Variants in HOOK2 observed in about 807,000 individuals in gnomAD.
HOOK2 encodes hook microtubule tethering protein 2, also known as protein Hook homolog 2.
Under a neutral mutation model 111.9 loss-of-function variants are expected in HOOK2, and 108 were observed. That is an observed-to-expected ratio of 0.96 (90% confidence interval 0.83 to 1.13). HOOK2 has a LOEUF of 1.13. Among genes scored for constraint, HOOK2 ranks in the 50% most tolerant of loss-of-function variants. The pLI is 0.00. For missense variants in HOOK2, 978 were observed against 951.3 expected (o/e 1.03, Z -0.37); for synonymous variants, 405 against 394.3 (o/e 1.03, Z -0.32).
chr19:12,766,261 A>G (rs1303152948), intron 14 of HOOK2, 21 bp from the exon 15 acceptor site: 2 of 1,539,516 alleles, frequency 1.3e-6, no homozygotes, highest in East Asian at 2.3e-5. Context: ...GGGAGGAGAG[A>G]GCAGGGCCAG....
At chr19:12,769,149 T>C (rs1393113931) in intron 11 of HOOK2, among the ~76,000 whole-genome samples, 2 of 151,778 alleles carry the variant, frequency 1.3e-5, no homozygotes, top group Non-Finnish European at 2.9e-5. Context: ...GTATTTTTAG[T>C]AGAGATGGGG....
At chr19:12,774,965 A>G in intron 1 of HOOK2, 68 bp from the exon 2 acceptor site, 2 of 1,435,490 alleles carry the variant, frequency 1.4e-6, no homozygotes, top group Non-Finnish European at 1.9e-6. Context: ...CCCCTTTTGC[A>G]GACTTTTCCA....
At chr19:12,769,045 A>G (rs1355682272) in intron 11 of HOOK2, among the ~76,000 whole-genome samples, 2 of 146,478 alleles carry the variant, frequency 1.4e-5, no homozygotes, top group African/African-American at 5.1e-5. Flanking sequence ...GGCTCACTGC[A>G]AGCTCCGCCT....
chr19:12,778,633 G>T (rs1359316901), upstream of HOOK2, among the ~76,000 whole-genome samples: 1 of 152,198 alleles, frequency 6.6e-6, no homozygotes, highest in Non-Finnish European at 1.5e-5. Context: ...TACAAGCATG[G>T]GTGGCTGGAC....
At chr19:12,763,832 A>G (rs1240840336) in intron 20 of HOOK2, 54 bp from the exon 21 acceptor site, 1 of 1,208,768 alleles carries the variant, frequency 8.3e-7, no homozygotes, top group Non-Finnish European at 1.2e-6. Flanking sequence ...ACCCCCTGGG[A>G]CATACTGGGG....
In HOOK2 at chr19:12,774,723, G is replaced by A. The variant is rs764527642; in HGVS notation, c.150C>T (p.Asn50=). 3.7e-6 allele frequency: 6 copies of A among 1,613,980 alleles called. No homozygotes were observed. Among genetic ancestry groups the A allele is most frequent in the Middle Eastern group, 1.6e-4 (1 of 6,084 alleles). ...CCGAGATGCCCTGGAGCCATGCCTC[G>A]TTGAACCAGGAGGGGTCTCTGGGGG... ...VLNQIDPSWF[N]EAWLQGISED... The change falls in exon 3 of 23, where the codon AAC becomes AAT. Residue 50 remains asparagine, a synonymous_variant. Coordinates refer to ENST00000397668, the MANE Select transcript of HOOK2 (RefSeq NM_013312.3).
At chr19:12,782,565 C>G (rs1183211079), upstream of HOOK2, among the ~76,000 whole-genome samples, 4 of 152,292 alleles carry the variant, frequency 2.6e-5, no homozygotes, top group Non-Finnish European at 5.9e-5. Context: ...TGAGACACGA[C>G]GGGGGTCGCT....
In HOOK2 at chr19:12,768,142, G is replaced by C; in HGVS notation, c.1105-19C>G. 3 of 1,606,026 alleles carry C rather than the reference G, an allele frequency of 1.9e-6. No homozygotes were observed. The highest frequency in any genetic ancestry group is 2.6e-6 in the Non-Finnish European group (3 of 1,173,020). On this transcript the variant is annotated intron_variant, in intron 11 of 22. Transcript: ENST00000397668. ...CCTGCACCTGAACACAGAGAGGGGA[G>C]GAATAAGGACAGCAGGGCTGGGAGC...
intron 21 of HOOK2, 30 bp from the exon 22 acceptor site, chr19:12,763,629 G>A: frequency 6.2e-7 from 1 of 1,614,090 alleles, no homozygotes; most frequent in Non-Finnish European, 8.5e-7. Flanking sequence ...CAGGGGCCTA[G>A]ATACGTTGGA....
Position 12,763,176 on chromosome 19 carries a change from G to T in HOOK2, c.*106C>A. The T allele has an allele frequency of 7.8e-6, 7 of 900,806 alleles. No individual in the cohort carries two copies. The highest frequency in any genetic ancestry group is 4.0e-5 in the East Asian group (1 of 24,726). 55.8% of individuals were successfully genotyped at this position (900,806 alleles called of 1,614,324 possible). ...TGGGAGAGGGAAGAGCAGAGATCAT[G>T]GCCTCAAAGCTCTCGAGCACCTGGC... is the stretch of plus-strand genomic sequence containing the variant. On this transcript the variant is annotated 3_prime_UTR_variant, in exon 23 of 23. Transcript: ENST00000397668.
rs759704577 is a variant in HOOK2 at position 12,772,202 on chromosome 19, G to A, written c.507C>T (p.Asn169=). ...CCAAATCTCTTACCTGGCTGTCAAA[G>A]TTGCCATACGTCTCTGGTGACAGGG... ...PDSLSPETYG[N]FDSQSRRYYF... Residue 169 remains asparagine, a synonymous_variant, in exon 7 of 23, where the codon AAC becomes AAT. Transcript: ENST00000397668. 2 of 1,613,070 alleles carry A rather than the reference G, an allele frequency of 1.2e-6. No individual in the cohort carries two copies. The highest frequency in any genetic ancestry group is 1.3e-5 in the African/African-American group (1 of 75,030).
chr19:12,784,298 G>C lies in HOOK2; in HGVS notation n.42-10073C>G. Among the ~76,000 whole-genome samples, 2 of 151,830 alleles carry C rather than the reference G, an allele frequency of 1.3e-5. 1 individual carries two copies. Among genetic ancestry groups the C allele is most frequent in the Admixed American group, 1.3e-4 (2 of 15,244 alleles). ...CAGACACACAAACCCCTGTCACCTT[G>C]GCCACAGAGAGACTGCCAGCCAGGG... is the stretch of plus-strand genomic sequence containing the variant. On this transcript the variant is annotated intron_variant and non_coding_transcript_variant, in intron 3 of 3. Coordinates refer to the HOOK2 transcript ENST00000589765.
At chr19:12,782,631 G>A (rs538264248), upstream of HOOK2, among the ~76,000 whole-genome samples, 715 of 152,296 alleles carry the variant, frequency 4.7e-3, 1 homozygote, top group African/African-American at 0.016. Context: ...GGAAGGGCGG[G>A]AGCTCTGCAC....
At position 12,765,910 on chromosome 19, in the gene HOOK2, T is replaced by C. The variant is rs555381456; in HGVS notation, c.1599+17A>G. ...CACAAGGGAGGGCCAGGCTGGGAGGTGGTGGGTGACACTCACATCTTCAGT... is the reference window on the plus strand; with the variant it reads ...CACAAGGGAGGGCCAGGCTGGGAGGCGGTGGGTGACACTCACATCTTCAGT... On this transcript the variant is annotated intron_variant, in intron 16 of 22. Coordinates refer to ENST00000397668, the MANE Select transcript of HOOK2 (RefSeq NM_013312.3). The C allele has an allele frequency of 1.2e-6, 2 of 1,611,912 alleles. No individual in the cohort carries two copies. Among genetic ancestry groups the C allele is most frequent in the South Asian group, 1.1e-5 (1 of 90,984 alleles).
At chr19:12,765,473 C>T (rs576129363) in intron 18 of HOOK2, 33 of 630,560 alleles carry the variant, frequency 5.2e-5, no homozygotes, top group African/African-American at 9.2e-5. Context: ...GCAGGCCAGG[C>T]GCGGTGGCTC....
In HOOK2 at chr19:12,771,290, G is replaced by C; in HGVS notation, c.630C>G (p.Ser210Arg). 1.2e-6 allele frequency: 2 copies of C among 1,603,818 alleles called. No homozygotes were observed. The highest frequency in any genetic ancestry group is 2.2e-5 in the South Asian group (2 of 89,412). Residue 210 changes from serine (S) to arginine (R), a missense_variant, in exon 9 of 23, where the codon AGC becomes AGG. Transcript: ENST00000397668. ...QLMLLSEEKQSLAQENAGLRE... is the reference protein window; with the variant it reads ...QLMLLSEEKQRLAQENAGLRE... ...GCAGCCCTGCATTCTCTTGCGCCAG[G>C]CTCTGCTTCTCCTCTGACAGGAGCA...
Position 12,774,691 on chromosome 19 carries a change from G to C in HOOK2, c.182C>G (p.Pro61Arg). 1 of 1,614,164 alleles carries C rather than the reference G, an allele frequency of 6.2e-7. No individual in the cohort carries two copies. The highest frequency in any genetic ancestry group is 8.5e-7 in the Non-Finnish European group (1 of 1,180,030). Residue 61 changes from proline to arginine, a missense_variant, in exon 3 of 23, where the codon CCA becomes CGA. Coordinates refer to ENST00000397668, the MANE Select transcript of HOOK2 (RefSeq NM_013312.3). ...CACCTTCAGCTTCCAGTTGGGACCT[G>C]GATCTTCCGAGATGCCCTGGAGCCA... ...EAWLQGISED[P>R]GPNWKLKVSN... is the part of the protein sequence containing the mutation.
At position 12,763,307 on chromosome 19, in the gene HOOK2, T is replaced by C. The variant is rs146942390; in HGVS notation, c.2135A>G (p.Asn712Ser). Reference sequence around the variant, plus strand: ...TCAGTGCTTGTCAGTGGGGCGAAGGTTCAGAGATGCCAGGCGTCCCAAGGG... The same window carrying C: ...TCAGTGCTTGTCAGTGGGGCGAAGGCTCAGAGATGCCAGGCGTCCCAAGGG... ...RGPLGRLASL[N>S]LRPTDKH The change falls in exon 23 of 23, where the codon AAC becomes AGC. Residue 712 changes from asparagine (N) to serine (S), a missense_variant. Physicochemically the swap from Asn to Ser is conservative, Grantham distance 46. This residue lies in a region of HOOK2 where 277 missense variants were observed against 265.8 expected (regional missense o/e 1.04). Coordinates refer to ENST00000397668, the MANE Select transcript of HOOK2 (RefSeq NM_013312.3). The C allele has an allele frequency of 3.4e-4, 549 of 1,613,760 alleles. 1 individual carries two copies. In the African/African-American group the frequency reaches 6.4e-3, roughly 19 times the overall value.
chr19:12,774,969 T>A, intron 1 of HOOK2, 72 bp from the exon 2 acceptor site: 1 of 1,433,920 alleles, frequency 7.0e-7, no homozygotes, highest in Non-Finnish European at 9.6e-7. Flanking sequence ...TTTTGCAGAC[T>A]TTTCCAGTCA....
Sources: gnomAD v4.1 joint callset for allele counts (sites outside exome capture counted in the v4.1 genomes callset) on GRCh38, gnomAD v4.1.1 for gene constraint, gnomAD v4.1.1 regional missense constraint, MANE v1.5 for transcripts, NCBI Gene and HGNC (gene_info 2026-07-23, HGNC 2026-07-21) for gene names.